The following CABCOCO1 variants were observed in gnomAD, a reference collection of about 807,000 sequenced individuals.
CABCOCO1 encodes the protein ciliary associated calcium binding coiled-coil 1.
A neutral mutation model predicts 35.7 loss-of-function variants in CABCOCO1; 28 were observed. The ratio of observed to expected loss-of-function variants is 0.78; its 90% CI spans 0.58 to 1.07. CABCOCO1 has a LOEUF of 1.07. Ranked by LOEUF, CABCOCO1 falls within the 50% of genes least tolerant of loss-of-function variation. The probability of loss-of-function intolerance (pLI) is 0.00; values close to 1 mark genes in which losing one functional copy is unlikely to be tolerated. For missense variants in CABCOCO1, 326 were observed against 309.2 expected, an observed-to-expected ratio of 1.05 and a Z score of -0.41; for synonymous variants, 95 against 100.1, an observed-to-expected ratio of 0.95 and a Z score of 0.30.
chr10:61,755,221 T>C (rs1330235416), intron 5 of CABCOCO1, among the ~76,000 whole-genome samples: 4 of 152,172 alleles, frequency 2.6e-5, no homozygotes, highest in African/African-American at 9.6e-5. Flanking sequence ...CTAGAGTTTA[T>C]TGCATTTTGC....
chr10:61,677,838 T>G (rs12776488), intron 2 of CABCOCO1, among the ~76,000 whole-genome samples: 1 of 91,538 alleles, frequency 1.1e-5, no homozygotes, highest in Non-Finnish European at 2.2e-5. Flanking sequence ...TTTTTTTTTG[T>G]CCTTGCAGCT....
intron 5 of CABCOCO1, among the ~76,000 whole-genome samples, chr10:61,702,856 C>G (rs1840494927): frequency 6.6e-6 from 1 of 150,814 alleles, no homozygotes; most frequent in African/African-American, 2.4e-5. Flanking sequence ...AATTGAGAAA[C>G]TTTCTATGCA....
chr10:61,667,726 C>A (rs1191539815), intron 1 of CABCOCO1, among the ~76,000 whole-genome samples: 4 of 151,780 alleles, frequency 2.6e-5, no homozygotes, highest in African/African-American at 9.7e-5. Flanking sequence ...TTATATAGAA[C>A]CATCTTGCCA....
intron 5 of CABCOCO1, among the ~76,000 whole-genome samples, chr10:61,730,855 C>T (rs1024330560): frequency 6.6e-6 from 1 of 151,590 alleles, no homozygotes; most frequent in Non-Finnish European, 1.5e-5. Flanking sequence ...CATTAAGAAA[C>T]GTCAGACAGC....
chr10:61,740,698 T>C (rs1841530312), intron 5 of CABCOCO1, among the ~76,000 whole-genome samples: 1 of 152,200 alleles, frequency 6.6e-6, no homozygotes, highest in African/African-American at 2.4e-5. Context: ...TTGTCATCTT[T>C]AAATTGACTT....
chr10:61,694,295 C>T (rs571275749), intron 5 of CABCOCO1, among the ~76,000 whole-genome samples: 1 of 145,628 alleles, frequency 6.9e-6, no homozygotes, highest in African/African-American at 2.6e-5. Context: ...GTCTTGTTAT[C>T]TAGTATGGCA....
At chr10:61,760,838 G>A in intron 6 of CABCOCO1, 25 bp from the exon 7 acceptor site, 1 of 1,597,152 alleles carries the variant, frequency 6.3e-7, no homozygotes, top group Non-Finnish European at 8.5e-7. Context: ...AATCACCCGA[G>A]TGCTATTTAC....
At chr10:61,718,088 C>A (rs1480931245) in intron 5 of CABCOCO1, among the ~76,000 whole-genome samples, 1 of 152,022 alleles carries the variant, frequency 6.6e-6, no homozygotes, top group African/African-American at 2.4e-5. Context: ...TCCCTGTCTG[C>A]GAGAGTATTT....
Position 61,722,349 on chromosome 10 carries a change from C to T in CABCOCO1, c.552+31728C>T, listed in dbSNP as rs148693971. On this transcript the variant is annotated intron_variant, in intron 5 of 7. Transcript: ENST00000648843. ...AAACCATATATATAAAGAAACAATA[C>T]AACAGCTGTTGCAAATTTTTTAATT... is the stretch of plus-strand genomic sequence containing the variant. Among the ~76,000 whole-genome samples, 697 of 152,108 alleles carry T rather than the reference C, an allele frequency of 4.6e-3. 17 individuals are homozygous for T. The highest frequency in any genetic ancestry group is 0.013 in the East Asian group (67 of 5,180).
chr10:61,713,366 C>A (rs960316446), intron 5 of CABCOCO1, among the ~76,000 whole-genome samples: 3 of 152,024 alleles, frequency 2.0e-5, no homozygotes, highest in African/African-American at 7.2e-5. Flanking sequence ...GATTTTGTAT[C>A]CTGAGACTTT....
intron 2 of CABCOCO1, among the ~76,000 whole-genome samples, chr10:61,677,953 G>C (rs1328757250): frequency 6.7e-6 from 1 of 150,044 alleles, no homozygotes; most frequent in East Asian, 2.0e-4. Flanking sequence ...GTATCTTTTT[G>C]GTGTCACTTT....
At chr10:61,731,762 G>A (rs1480355937) in intron 5 of CABCOCO1, among the ~76,000 whole-genome samples, 3 of 142,926 alleles carry the variant, frequency 2.1e-5, no homozygotes, top group East Asian at 4.2e-4. Context: ...GGAGGACAGA[G>A]GGAGGAAGGG....
intron 3 of CABCOCO1, among the ~76,000 whole-genome samples, chr10:61,684,640 GC>G (rs1839899205): frequency 6.6e-6 from 1 of 151,992 alleles, no homozygotes; most frequent in South Asian, 2.1e-4. Flanking sequence ...CCACATTCAG[GC>G]CCCCCACTGA....
At chr10:61,697,463 T>C (rs185037105) in intron 5 of CABCOCO1, among the ~76,000 whole-genome samples, 6 of 152,192 alleles carry the variant, frequency 3.9e-5, no homozygotes, top group Non-Finnish European at 7.4e-5. Flanking sequence ...AGTGTTCCCA[T>C]TTATTTTTAA....
At chr10:61,674,483 A>G (rs1405240698) in intron 2 of CABCOCO1, among the ~76,000 whole-genome samples, 1 of 152,192 alleles carries the variant, frequency 6.6e-6, no homozygotes, top group Non-Finnish European at 1.5e-5. Flanking sequence ...GAGATTCTTT[A>G]CATGATTTTC....
intron 5 of CABCOCO1, among the ~76,000 whole-genome samples, chr10:61,757,003 G>A (rs1418275706): frequency 1.3e-5 from 2 of 151,298 alleles, no homozygotes; most frequent in Non-Finnish European, 2.9e-5. Context: ...AAATTATAAC[G>A]TTCTTTCAGA....
Position 61,766,303 on chromosome 10 carries a change from G to T in CABCOCO1, c.*290G>T. On this transcript the variant is annotated 3_prime_UTR_variant, in exon 8 of 8. Coordinates refer to ENST00000648843, the MANE Select transcript of CABCOCO1 (RefSeq NM_001366906.2). ...ATTACTTTTATGATAGTCCTTTGAC[G>T]TTTTGACTAATAAATCCTATTCATC... is the stretch of plus-strand genomic sequence containing the variant. 1 of 189,266 alleles carries T rather than the reference G, an allele frequency of 5.3e-6. No individual in the cohort carries two copies. 11.7% of individuals were successfully genotyped at this position (189,266 alleles called of 1,614,324 possible). A position where few individuals can be genotyped will look rare whatever the true frequency, so the allele number is the denominator to read the frequency against.
At chr10:61,757,222 C>T (rs556026144) in intron 5 of CABCOCO1, among the ~76,000 whole-genome samples, 309 of 151,840 alleles carry the variant, frequency 2.0e-3, no homozygotes, top group Non-Finnish European at 3.3e-3. Context: ...TTCTAATTTT[C>T]CTTAAACTTG....
At chr10:61,753,367 A>AT (rs1243335154) in intron 5 of CABCOCO1, among the ~76,000 whole-genome samples, 3 of 152,202 alleles carry the variant, frequency 2.0e-5, no homozygotes, top group South Asian at 2.1e-4. Context: ...AAAGCATTCA[A>AT]TTTTTTTAAC....
Sources: allele counts gnomAD v4.1 joint callset (sites outside exome capture counted in the v4.1 genomes callset), GRCh38; gene constraint gnomAD v4.1.1; transcripts MANE v1.5; gene names NCBI Gene and HGNC (gene_info 2026-07-23, HGNC 2026-07-21).